The following EML1 variants were observed in gnomAD, a reference collection of about 807,000 sequenced individuals.
The protein encoded by EML1 is echinoderm microtubule-associated protein-like 1.
In EML1, 27 loss-of-function variants were observed where a neutral mutation model predicts 110.4. The ratio of observed to expected loss-of-function variants is 0.24; its 90% CI spans 0.18 to 0.34. The LOEUF (loss-of-function observed/expected upper bound fraction) is 0.34, where lower values mean the gene tolerates loss of function less well. Among genes scored for constraint, EML1 ranks in the 10% least tolerant of loss-of-function variants. The pLI, the probability that EML1 is intolerant of heterozygous loss-of-function variation, is 1.00. For synonymous variants in EML1, 344 were observed against 385.8 expected (o/e 0.89, Z 1.27); for missense variants, 741 against 1,030.9 (o/e 0.72, Z 3.85).
At chr14:99,793,084 C>A (rs932629654), upstream of EML1, among the ~76,000 whole-genome samples, 3 of 151,194 alleles carry the variant, frequency 2.0e-5, no homozygotes, top group Non-Finnish European at 4.4e-5. Flanking sequence ...CGCCCCGCAG[C>A]CCCTGAGCCC....
chr14:99,755,966 G>A (rs1436427486), intron 1 of EML1, among the ~76,000 whole-genome samples: 1 of 152,158 alleles, frequency 6.6e-6, no homozygotes, highest in African/African-American at 2.4e-5. Flanking sequence ...CCCGCCCAGG[G>A]TCCCCTGCCG....
chr14:99,894,135 T>G (rs1437815914), intron 5 of EML1, among the ~76,000 whole-genome samples: 1 of 152,226 alleles, frequency 6.6e-6, no homozygotes, highest in Non-Finnish European at 1.5e-5. Flanking sequence ...TCTTTACACT[T>G]GAAAGAATTG....
chr14:99,808,925 T>C (rs1227347960), intron 1 of EML1, among the ~76,000 whole-genome samples: 1 of 152,224 alleles, frequency 6.6e-6, no homozygotes, highest in Non-Finnish European at 1.5e-5. Context: ...TTTATCATAT[T>C]TATCTTACAT....
At chr14:99,773,658 C>A (rs1222644069) in exon 1 of EML1, 1 of 152,268 alleles carries the variant, frequency 6.6e-6, no homozygotes, top group Non-Finnish European at 1.5e-5. Context: ...CTGGGGCGCC[C>A]CGTCTGCCCT....
chr14:99,867,155 A>G lies in EML1; in HGVS notation c.383+1509A>G, dbSNP rs544242766. 7.2e-5 allele frequency among the ~76,000 whole-genome samples: 11 copies of G among 152,214 alleles called. No homozygotes were observed. The South Asian group carries it at 1.7e-3, about 23-fold the overall frequency. On this transcript the variant is annotated intron_variant, in intron 3 of 21. Transcript: ENST00000262233. The stretch of plus-strand genomic sequence containing the variant: ...TCATATTTTGTCTATACATTCATCC[A>G]TCAGTGGCTATTCTGTACCATTTAT...
intron 1 of EML1, among the ~76,000 whole-genome samples, chr14:99,760,939 C>T (rs551362027): frequency 6.6e-6 from 1 of 152,202 alleles, no homozygotes; most frequent in Admixed American, 6.5e-5. Context: ...ACAACCAAGG[C>T]CTGAGCCACA....
chr14:99,843,597 G>C (rs2058665632), intron 1 of EML1, among the ~76,000 whole-genome samples: 1 of 152,194 alleles, frequency 6.6e-6, no homozygotes, highest in African/African-American at 2.4e-5. Flanking sequence ...AGATTAAGTA[G>C]TTTGTCCTAG....
At chr14:99,925,702 T>C (rs2060221532) in intron 17 of EML1, among the ~76,000 whole-genome samples, 1 of 152,178 alleles carries the variant, frequency 6.6e-6, no homozygotes, top group Non-Finnish European at 1.5e-5. Context: ...CGGCCTGGCT[T>C]TTACTTTCCA....
chr14:99,772,687 A>G (rs2057439736), upstream of EML1, among the ~76,000 whole-genome samples: 1 of 152,250 alleles, frequency 6.6e-6, no homozygotes, highest in African/African-American at 2.4e-5. Flanking sequence ...GAAGTGGAGC[A>G]AAAGGTTCAT....
chr14:99,739,282 TG>T (rs1354388637), intron 1 of EML1, among the ~76,000 whole-genome samples: 3 of 152,060 alleles, frequency 2.0e-5, no homozygotes, highest in Non-Finnish European at 4.4e-5. Flanking sequence ...CAGCTCTTTC[TG>T]GCTGGCCCTG....
At chr14:99,768,817 A>G (rs918491396), upstream of EML1, among the ~76,000 whole-genome samples, 5 of 151,498 alleles carry the variant, frequency 3.3e-5, no homozygotes, top group Admixed American at 3.3e-4. Flanking sequence ...TCCCAGGTTC[A>G]AGTGATTGTC....
chr14:99,871,450 C>T (rs893823074), intron 3 of EML1, among the ~76,000 whole-genome samples: 4 of 151,676 alleles, frequency 2.6e-5, no homozygotes, highest in Non-Finnish European at 5.9e-5. Flanking sequence ...GAGTTTGAGA[C>T]TGCAGTGAGC....
At chr14:99,914,112 T>G (rs570907569) in intron 13 of EML1, 67 bp from the exon 14 acceptor site, 4 of 1,564,978 alleles carry the variant, frequency 2.6e-6, no homozygotes, top group African/African-American at 1.4e-5. Context: ...ATAAGTGTTT[T>G]GAATGACTGA....
intron 1 of EML1, among the ~76,000 whole-genome samples, chr14:99,817,872 G>A (rs1269109566): frequency 1.3e-5 from 2 of 152,176 alleles, no homozygotes; most frequent in East Asian, 3.8e-4. Context: ...CTCTGCTAGA[G>A]TGTAGGTGGA....
intron 1 of EML1, among the ~76,000 whole-genome samples, chr14:99,806,872 A>G (rs2057986188): frequency 6.6e-6 from 1 of 152,184 alleles, no homozygotes; most frequent in African/African-American, 2.4e-5. Flanking sequence ...TATGTTTGCT[A>G]AAGAAATTTC....
intron 1 of EML1, among the ~76,000 whole-genome samples, chr14:99,800,604 T>C (rs749460843): frequency 3.5e-4 from 54 of 152,200 alleles, no homozygotes; most frequent in Non-Finnish European, 6.3e-4. Flanking sequence ...CAAGAGATCC[T>C]CCTGCCTTGG....
At chr14:99,743,800 A>G (rs895886440) in intron 1 of EML1, among the ~76,000 whole-genome samples, 6 of 152,236 alleles carry the variant, frequency 3.9e-5, no homozygotes, top group African/African-American at 9.6e-5. Flanking sequence ...AAGGAAAGCT[A>G]TCCACTTCTG....
At chr14:99,851,189 G>A (rs974715802) in intron 2 of EML1, among the ~76,000 whole-genome samples, 154 bp downstream of exon 2, 3 of 152,136 alleles carry the variant, frequency 2.0e-5, no homozygotes, top group East Asian at 1.9e-4. Flanking sequence ...ATCACACGAC[G>A]TATGATAGTA....
At chr14:99,770,371 ATTTC>A (rs1002768691), upstream of EML1, among the ~76,000 whole-genome samples, 1 of 87,636 alleles carries the variant, frequency 1.1e-5, no homozygotes. Flanking sequence ...TTTTTAAAAA[ATTTC>A]TTTCTATCTA....
Sources: gnomAD v4.1 joint callset for allele counts (sites outside exome capture counted in the v4.1 genomes callset) on GRCh38, gnomAD v4.1.1 for gene constraint, MANE v1.5 for transcripts, NCBI Gene and HGNC (gene_info 2026-07-23, HGNC 2026-07-21) for gene names.